Variants in MEI4 observed in about 807,000 individuals in gnomAD.
MEI4 encodes the protein meiosis-specific protein MEI4.
MEI4 carries 27 observed loss-of-function variants against 31.4 expected under a neutral mutation model. The ratio of observed to expected loss-of-function variants is 0.86; its 90% CI spans 0.63 to 1.19. The LOEUF (loss-of-function observed/expected upper bound fraction) is 1.19. MEI4 is among the 50% of genes most tolerant of loss of function. MEI4 has a pLI of 0.00. For missense variants in MEI4, 329 were observed against 398.9 expected (o/e 0.82, Z 1.49); for synonymous variants, 122 against 145.4 (o/e 0.84, Z 1.16).
intron 4 of MEI4, among the ~76,000 whole-genome samples, chr6:77,861,788 T>C (rs891473873): frequency 1.3e-5 from 2 of 152,218 alleles, no homozygotes; most frequent in Non-Finnish European, 2.9e-5. Flanking sequence ...GGATTAATGA[T>C]GTAGTACATA....
At position 77,925,997 on chromosome 6, in the gene MEI4, G is replaced by A. The variant is rs570610154; in HGVS notation, c.*2651G>A. On this transcript the variant is annotated 3_prime_UTR_variant, in exon 5 of 5. Coordinates refer to ENST00000684080, the MANE Select transcript of MEI4 (RefSeq NM_001322247.2). Reference sequence around the variant, plus strand: ...CCTGAATCTGTATTTTAGAGATGAAGAACTCAGAACTTGCCCAAGTTCACA... The same window carrying A: ...CCTGAATCTGTATTTTAGAGATGAAAAACTCAGAACTTGCCCAAGTTCACA... The A allele has an allele frequency of 6.6e-6, 1 of 151,834 alleles. No homozygotes were observed. The highest frequency in any genetic ancestry group is 2.0e-4 in the East Asian group (1 of 5,124). 9.4% of individuals were successfully genotyped at this position (151,834 alleles called of 1,614,324 possible).
intron 3 of MEI4, among the ~76,000 whole-genome samples, chr6:77,794,179 T>C (rs1056005221): frequency 6.6e-6 from 1 of 152,204 alleles, no homozygotes; most frequent in African/African-American, 2.4e-5. Flanking sequence ...AAGAATCTTT[T>C]ATTCTAAACT....
intron 4 of MEI4, among the ~76,000 whole-genome samples, chr6:77,858,152 G>A (rs541995965): frequency 1.3e-4 from 20 of 152,196 alleles, no homozygotes; most frequent in Admixed American, 5.9e-4. Context: ...ATTTGTTTAG[G>A]AATCTTTATT....
At chr6:77,705,386 G>T (rs79975933) in intron 2 of MEI4, among the ~76,000 whole-genome samples, 1 of 152,160 alleles carries the variant, frequency 6.6e-6, no homozygotes, top group Non-Finnish European at 1.5e-5. Context: ...CTAACATGTT[G>T]TAGGCAATAA....
At chr6:77,707,792 G>A (rs894568499) in intron 2 of MEI4, among the ~76,000 whole-genome samples, 8 of 152,162 alleles carry the variant, frequency 5.3e-5, no homozygotes, top group Non-Finnish European at 8.8e-5. Flanking sequence ...GGCTCAAAAG[G>A]CCCCAGATAC....
chr6:77,713,300 T>C (rs1269251890), intron 2 of MEI4, among the ~76,000 whole-genome samples: 1 of 152,220 alleles, frequency 6.6e-6, no homozygotes, highest in African/African-American at 2.4e-5. Flanking sequence ...ATACTAGCTT[T>C]CTTCTCCCTT....
chr6:77,735,948 G>T lies in MEI4; in HGVS notation c.233-25182G>T, dbSNP rs541627522. Among the ~76,000 whole-genome samples, 4 of 147,962 alleles carry T rather than the reference G, an allele frequency of 2.7e-5. 1 individual carries two copies. Among genetic ancestry groups the T allele is most frequent in the African/African-American group, 4.9e-5 (2 of 40,610 alleles). On this transcript the variant is annotated intron_variant, in intron 2 of 4. Coordinates refer to ENST00000684080, the MANE Select transcript of MEI4 (RefSeq NM_001322247.2). ...GATGCCTCCCAGTTAGGCTGCTCGG[G>T]GGTCAGGGGTCAGGGACCCACTTGA...
chr6:77,829,169 A>G, intron 4 of MEI4, 107 bp downstream of exon 4: 1 of 807,506 alleles, frequency 1.2e-6, no homozygotes, highest in Non-Finnish European at 1.7e-6. Flanking sequence ...TGTTTTAGTT[A>G]TTACCTTATG....
intron 4 of MEI4, among the ~76,000 whole-genome samples, chr6:77,913,448 C>T (rs1387053989): frequency 6.6e-6 from 1 of 152,106 alleles, no homozygotes; most frequent in African/African-American, 2.4e-5. Context: ...GTTTTTATTA[C>T]TGATACAATT....
chr6:77,825,887 G>A (rs1315837532), intron 3 of MEI4, among the ~76,000 whole-genome samples: 1 of 152,170 alleles, frequency 6.6e-6, no homozygotes, highest in African/African-American at 2.4e-5. Flanking sequence ...GCTGTGGTAT[G>A]CTGTTAGAGG....
chr6:77,681,396 A>G (rs1262445641), intron 1 of MEI4, among the ~76,000 whole-genome samples: 1 of 152,212 alleles, frequency 6.6e-6, no homozygotes, highest in Non-Finnish European at 1.5e-5. Flanking sequence ...TCAGTGTGTA[A>G]AATACCGGTG....
intron 3 of MEI4, among the ~76,000 whole-genome samples, chr6:77,771,919 T>C (rs1043494717): frequency 6.6e-6 from 1 of 152,056 alleles, no homozygotes; most frequent in Non-Finnish European, 1.5e-5. Flanking sequence ...AACCTGCACC[T>C]GTACCCCTAA....
intron 3 of MEI4, among the ~76,000 whole-genome samples, chr6:77,781,403 A>C (rs146157490): frequency 2.1e-4 from 32 of 152,248 alleles, no homozygotes; most frequent in Non-Finnish European, 4.3e-4. Context: ...ACAGCATGTT[A>C]ATATACATTA....
chr6:77,850,064 C>A (rs1481401228), intron 4 of MEI4, among the ~76,000 whole-genome samples: 2 of 152,212 alleles, frequency 1.3e-5, no homozygotes, highest in South Asian at 2.1e-4. Flanking sequence ...TATTCTATTT[C>A]ATTTGTCCTT....
intron 2 of MEI4, among the ~76,000 whole-genome samples, chr6:77,733,061 T>C (rs1767060283): frequency 6.6e-6 from 1 of 151,962 alleles, no homozygotes; most frequent in Non-Finnish European, 1.5e-5. Context: ...GCATCAATGT[T>C]CATCAAGGAT....
chr6:77,763,878 A>G (rs1404920112), intron 3 of MEI4, among the ~76,000 whole-genome samples: 8 of 151,894 alleles, frequency 5.3e-5, no homozygotes, highest in African/African-American at 1.9e-4. Flanking sequence ...CCGTGGCACA[A>G]TCTTGGCTCA....
At chr6:77,650,308 C>A (rs774363415), upstream of MEI4, among the ~76,000 whole-genome samples, 1 of 152,196 alleles carries the variant, frequency 6.6e-6, no homozygotes, top group African/African-American at 2.4e-5. Flanking sequence ...GTGGAGCACT[C>A]GTCTCCTCCT....
chr6:77,759,035 C>G (rs545101262), intron 2 of MEI4, among the ~76,000 whole-genome samples: 3 of 152,268 alleles, frequency 2.0e-5, no homozygotes, highest in African/African-American at 7.2e-5. Context: ...CAAAACTGCT[C>G]TGGATGAAGC....
At chr6:77,860,145 G>T (rs6454011) in intron 4 of MEI4, among the ~76,000 whole-genome samples, 41,879 of 152,002 alleles carry the variant, frequency 0.28, 5,990 homozygotes, top group East Asian at 0.36. Flanking sequence ...CAGATGACTA[G>T]ACTGAGACTC....
Sources: allele counts gnomAD v4.1 joint callset (sites outside exome capture counted in the v4.1 genomes callset), GRCh38; gene constraint gnomAD v4.1.1; transcripts MANE v1.5; gene names NCBI Gene and HGNC (gene_info 2026-07-23, HGNC 2026-07-21).